AFTPH: variants seen among roughly 807,000 people sequenced by gnomAD.
AFTPH encodes aftiphilin, also known as aftiphilin protein.
In AFTPH, 7 loss-of-function variants were observed where a neutral mutation model predicts 72.5. That is an observed-to-expected ratio of 0.10 (90% CI 0.05 to 0.18). The LOEUF is 0.18. Among genes scored for constraint, AFTPH ranks in the 10% least tolerant of loss-of-function variants. AFTPH has a pLI of 1.00. For synonymous variants in AFTPH, 337 were observed against 370.1 expected (o/e 0.91, Z 1.03); for missense variants, 979 against 1,060.5 (o/e 0.92, Z 1.07).
chr2:64,584,849 G>A (rs911702068), intron 7 of AFTPH, among the ~76,000 whole-genome samples: 1 of 152,114 alleles, frequency 6.6e-6, no homozygotes, highest in Non-Finnish European at 1.5e-5. Context: ...GCCCGCCTCG[G>A]CCTCCCAAAG....
chr2:64,528,974 G>T (rs912043148), intron 1 of AFTPH, among the ~76,000 whole-genome samples: 1 of 152,174 alleles, frequency 6.6e-6, no homozygotes, highest in African/African-American at 2.4e-5. Context: ...AGTCAGGAGA[G>T]AATTGTGCTG....
At chr2:64,569,679 G>A in exon 5 of AFTPH, 1 of 1,613,292 alleles carries the variant, frequency 6.2e-7, no homozygotes, top group Non-Finnish European at 8.5e-7. Context: ...CAGCAGGATT[G>A]GTAAGTACAA....
intron 5 of AFTPH, among the ~76,000 whole-genome samples, chr2:64,571,532 G>A (rs140884611): frequency 7.9e-5 from 12 of 152,258 alleles, no homozygotes; most frequent in Admixed American, 3.9e-4. Context: ...CTAGCTGCTC[G>A]GTTAAAGCCT....
intron 1 of AFTPH, among the ~76,000 whole-genome samples, chr2:64,526,759 G>A (rs913281908): frequency 5.3e-5 from 8 of 152,140 alleles, no homozygotes; most frequent in East Asian, 1.9e-4. Flanking sequence ...GCTAACACAT[G>A]AGCAGTATAT....
At chr2:64,565,215 C>T (rs1671995915) in intron 2 of AFTPH, among the ~76,000 whole-genome samples, 1 of 151,982 alleles carries the variant, frequency 6.6e-6, no homozygotes, top group Non-Finnish European at 1.5e-5. Context: ...CAGTGGCTCA[C>T]ACCTGTAACC....
chr2:64,560,222 A>G (rs1398955107), intron 2 of AFTPH, among the ~76,000 whole-genome samples: 1 of 152,202 alleles, frequency 6.6e-6, no homozygotes, highest in African/African-American at 2.4e-5. Flanking sequence ...ATGGCTGCTT[A>G]TATACCCTGG....
At chr2:64,586,146 T>G (rs2104240256) in intron 8 of AFTPH, among the ~76,000 whole-genome samples, 1 of 152,338 alleles carries the variant, frequency 6.6e-6, no homozygotes, top group South Asian at 2.1e-4. Context: ...AATCTTTAGT[T>G]TCATATGATT....
At chr2:64,553,961 A>C (rs2103952776) in intron 2 of AFTPH, among the ~76,000 whole-genome samples, 1 of 152,290 alleles carries the variant, frequency 6.6e-6, no homozygotes, top group Middle Eastern at 3.4e-3. Context: ...GAACAGAAAA[A>C]CAACTAGAAA....
intron 1 of AFTPH, among the ~76,000 whole-genome samples, chr2:64,534,986 A>G (rs1382863355): frequency 6.6e-6 from 1 of 152,164 alleles, no homozygotes; most frequent in East Asian, 1.9e-4. Flanking sequence ...ATTTTTAAGA[A>G]GAGTATTGAC....
chr2:64,589,958 G>C (rs865787848), intron 8 of AFTPH, among the ~76,000 whole-genome samples: 12 of 85,372 alleles, frequency 1.4e-4, no homozygotes, highest in African/African-American at 4.6e-4. Context: ...GGGGGGGGGG[G>C]GGTTTCCACC....
At chr2:64,547,812 T>C (rs2103906548) in intron 1 of AFTPH, among the ~76,000 whole-genome samples, 1 of 152,162 alleles carries the variant, frequency 6.6e-6, no homozygotes, top group Admixed American at 6.5e-5. Context: ...AGACAGGGTC[T>C]CACTCTGTCA....
chr2:64,547,875 TC>T (rs1413596326), intron 1 of AFTPH, among the ~76,000 whole-genome samples: 1 of 152,094 alleles, frequency 6.6e-6, no homozygotes, highest in Admixed American at 6.5e-5. Flanking sequence ...AGCCTTGACT[TC>T]CTGGACCCAA....
intron 6 of AFTPH, among the ~76,000 whole-genome samples, chr2:64,576,074 TAC>T (rs55774717): frequency 0.11 from 14,138 of 127,460 alleles, 942 homozygotes; most frequent in Non-Finnish European, 0.16. Context: ...TTTGGCATGC[TAC>T]ACACACACAC....
At chr2:64,545,860 C>G (rs542698485) in intron 1 of AFTPH, among the ~76,000 whole-genome samples, 15 of 151,220 alleles carry the variant, frequency 9.9e-5, no homozygotes, top group Middle Eastern at 3.4e-3. Context: ...GAACTATACA[C>G]AAACACAAAC....
intron 1 of AFTPH, among the ~76,000 whole-genome samples, chr2:64,528,392 C>A (rs1220186738): frequency 3.9e-5 from 6 of 152,196 alleles, no homozygotes; most frequent in Non-Finnish European, 7.3e-5. Context: ...TGCCCTCCTA[C>A]AGCTTCAGTT....
intron 2 of AFTPH, among the ~76,000 whole-genome samples, chr2:64,556,931 A>G (rs185400442): frequency 5.9e-5 from 9 of 152,368 alleles, no homozygotes; most frequent in Admixed American, 4.6e-4. Flanking sequence ...TATAAATTGT[A>G]GAGAAGGTAA....
At chr2:64,584,593 A>ATTTTTTTTTTTTTTTTTTTTTTTTTTTT in intron 7 of AFTPH, among the ~76,000 whole-genome samples, 1 of 117,008 alleles carries the variant, frequency 8.5e-6, no homozygotes, top group Non-Finnish European at 1.7e-5. Context: ...CTTAGTCATG[A>ATTTTTTTTTTTTTTTTTTTTTTTTTTTT]TTTTTTTTTT....
chr2:64,569,380 T>G (rs1672281143), intron 4 of AFTPH, among the ~76,000 whole-genome samples, 162 bp downstream of exon 4: 1 of 152,228 alleles, frequency 6.6e-6, no homozygotes, highest in African/African-American at 2.4e-5. Context: ...AACATCAGTC[T>G]ACCTAAATTT....
intron 1 of AFTPH, among the ~76,000 whole-genome samples, chr2:64,542,938 C>G (rs957832032): frequency 5.9e-5 from 9 of 152,158 alleles, no homozygotes; most frequent in African/African-American, 2.2e-4. Flanking sequence ...GTGCCAGGTA[C>G]TGAAGGTCTG....
Sources: gnomAD v4.1 joint callset for allele counts (sites outside exome capture counted in the v4.1 genomes callset) on GRCh38, gnomAD v4.1.1 for gene constraint, MANE v1.5 for transcripts, NCBI Gene and HGNC (gene_info 2026-07-23, HGNC 2026-07-21) for gene names.